The following DPP10 variants were observed in gnomAD, a reference collection of about 807,000 sequenced individuals.
The protein encoded by DPP10 is inactive dipeptidyl peptidase 10.
In DPP10, 33 loss-of-function variants were observed where a neutral mutation model predicts 120.9. The observed-to-expected ratio is 0.27, with a 90% confidence interval of 0.21 to 0.37. DPP10 has a LOEUF of 0.37. DPP10 is among the 10% of genes least tolerant of loss of function. The probability of loss-of-function intolerance (pLI) is 1.00; values close to 1 mark genes in which losing one functional copy is unlikely to be tolerated. For synonymous variants in DPP10, 337 were observed against 326.1 expected, an observed-to-expected ratio of 1.03 and a Z score of -0.36; for missense variants, 816 against 942.8, an observed-to-expected ratio of 0.87 and a Z score of 1.76.
At chr2:115,004,625 C>T (rs1357319570) in intron 1 of DPP10, among the ~76,000 whole-genome samples, 12 of 152,148 alleles carry the variant, frequency 7.9e-5, no homozygotes, top group East Asian at 1.9e-4. Flanking sequence ...CCTGGAAAAT[C>T]GGGTCACTCC....
chr2:114,575,196 G>T (rs1459073614), intron 1 of DPP10, among the ~76,000 whole-genome samples: 1 of 151,930 alleles, frequency 6.6e-6, no homozygotes, highest in African/African-American at 2.4e-5. Flanking sequence ...AGAGAAAACC[G>T]AAGAAGAAGG....
intron 19 of DPP10, among the ~76,000 whole-genome samples, chr2:115,802,451 G>T (rs999985592): frequency 6.6e-6 from 1 of 152,114 alleles, no homozygotes; most frequent in African/African-American, 2.4e-5. Flanking sequence ...TCTGATCTTA[G>T]TTATTTCTTG....
At chr2:114,940,665 C>T (rs1172511584) in intron 1 of DPP10, among the ~76,000 whole-genome samples, 1 of 151,874 alleles carries the variant, frequency 6.6e-6, no homozygotes, top group Admixed American at 6.6e-5. Context: ...TTTGTCTTTA[C>T]CTTGTGTTGA....
intron 7 of DPP10, among the ~76,000 whole-genome samples, chr2:115,712,955 A>G (rs886287709): frequency 1.3e-5 from 2 of 152,064 alleles, no homozygotes; most frequent in Non-Finnish European, 2.9e-5. Flanking sequence ...TATGTATCCT[A>G]GTGTGTTGAA....
At chr2:114,827,654 C>T (rs1204400119) in intron 1 of DPP10, among the ~76,000 whole-genome samples, 1 of 151,866 alleles carries the variant, frequency 6.6e-6, no homozygotes, top group Non-Finnish European at 1.5e-5. Context: ...TGTGTGTGTG[C>T]ATGTACAAGT....
intron 19 of DPP10, among the ~76,000 whole-genome samples, chr2:115,803,501 T>C (rs1038287441): frequency 2.0e-5 from 3 of 152,210 alleles, no homozygotes; most frequent in Non-Finnish European, 4.4e-5. Context: ...TTTTGCTCAT[T>C]AGTTGATGCA....
chr2:115,048,178 T>G (rs185228733), intron 1 of DPP10, among the ~76,000 whole-genome samples: 1 of 152,208 alleles, frequency 6.6e-6, no homozygotes, highest in Admixed American at 6.6e-5. Flanking sequence ...GCTCCCAACA[T>G]ATGTAACCCT....
At chr2:115,703,086 A>G (rs183348089) in intron 7 of DPP10, among the ~76,000 whole-genome samples, 1 of 152,194 alleles carries the variant, frequency 6.6e-6, no homozygotes, top group Non-Finnish European at 1.5e-5. Context: ...ATAATTTCAA[A>G]AATCAGGTGA....
intron 1 of DPP10, among the ~76,000 whole-genome samples, chr2:114,466,221 A>G (rs1291732089): frequency 6.6e-6 from 1 of 152,246 alleles, no homozygotes; most frequent in Non-Finnish European, 1.5e-5. Flanking sequence ...AACATTCTAT[A>G]AAGCCACAAT....
intron 1 of DPP10, among the ~76,000 whole-genome samples, chr2:115,129,483 T>C (rs2050233618): frequency 2.0e-5 from 3 of 152,174 alleles, no homozygotes; most frequent in Non-Finnish European, 4.4e-5. Context: ...TTCCCTTAAG[T>C]TTCCAGAGAG....
Position 115,304,241 on chromosome 2 carries a change from G to A in DPP10, c.61-4998G>A, listed in dbSNP as rs118171859. 5.3e-5 allele frequency among the ~76,000 whole-genome samples: 8 copies of A among 151,846 alleles called. No individual in the cohort carries two copies. In the East Asian group the frequency reaches 1.6e-3, roughly 30 times the overall value. On this transcript the variant is annotated intron_variant, in intron 1 of 25. Coordinates refer to ENST00000410059, the MANE Select transcript of DPP10 (RefSeq NM_020868.6). ...TTGAGGAACTTTATTGAACTTCTTT[G>A]AGAAAACATTAAGATTCTATGTGAA...
chr2:115,759,179 A>G (rs981032143), intron 11 of DPP10, among the ~76,000 whole-genome samples: 2 of 152,140 alleles, frequency 1.3e-5, no homozygotes, highest in Non-Finnish European at 2.9e-5. Flanking sequence ...GAAATTCTAT[A>G]ACTCAATAAT....
intron 1 of DPP10, among the ~76,000 whole-genome samples, chr2:114,740,704 C>A (rs1050648292): frequency 1.1e-4 from 16 of 152,048 alleles, no homozygotes; most frequent in African/African-American, 3.9e-4. Context: ...ACTAACCAGA[C>A]TAAGTGAAAA....
At chr2:114,477,854 A>G (rs1175054487) in intron 1 of DPP10, among the ~76,000 whole-genome samples, 2 of 71,942 alleles carry the variant, frequency 2.8e-5, no homozygotes, top group African/African-American at 6.6e-5. Flanking sequence ...TGCATGTATA[A>G]ATATATGTAT....
chr2:115,322,844 A>G (rs1235932685), intron 2 of DPP10, among the ~76,000 whole-genome samples: 2 of 152,202 alleles, frequency 1.3e-5, no homozygotes, highest in African/African-American at 4.8e-5. Flanking sequence ...TATTATAAAA[A>G]TGAACAGACC....
intron 1 of DPP10, among the ~76,000 whole-genome samples, chr2:115,175,216 T>G (rs895515170): frequency 4.6e-5 from 7 of 152,166 alleles, no homozygotes; most frequent in African/African-American, 1.7e-4. Context: ...ATAGCTCTTC[T>G]CATTCATCTG....
intron 3 of DPP10, among the ~76,000 whole-genome samples, chr2:115,418,031 A>G (rs545012582): frequency 1.3e-5 from 2 of 152,284 alleles, no homozygotes; most frequent in South Asian, 4.1e-4. Flanking sequence ...TTACAGAGCT[A>G]AGGTTTATGT....
intron 1 of DPP10, among the ~76,000 whole-genome samples, chr2:115,166,189 A>T (rs767438844): frequency 6.6e-6 from 1 of 152,160 alleles, no homozygotes; most frequent in Non-Finnish European, 1.5e-5. Context: ...ATTGCAAAAG[A>T]GTTATTCTTC....
At chr2:114,542,049 C>CTTTT (rs34131903) in intron 1 of DPP10, among the ~76,000 whole-genome samples, 1 of 141,562 alleles carries the variant, frequency 7.1e-6, no homozygotes, top group African/African-American at 2.6e-5. Context: ...TCTTTCTTTC[C>CTTTT]TTTTTTTTTT....
Sources: gnomAD v4.1 joint callset for allele counts (sites outside exome capture counted in the v4.1 genomes callset) on GRCh38, gnomAD v4.1.1 for gene constraint, MANE v1.5 for transcripts, NCBI Gene and HGNC (gene_info 2026-07-23, HGNC 2026-07-21) for gene names.